JAK1: variants seen among roughly 807,000 people sequenced by gnomAD.
JAK1 encodes the protein tyrosine-protein kinase JAK1.
A neutral mutation model predicts 136.6 loss-of-function variants in JAK1; 16 were observed. That is an observed-to-expected ratio of 0.12 (90% CI 0.08 to 0.18). The LOEUF (loss-of-function observed/expected upper bound fraction) is 0.18. Among genes scored for constraint, JAK1 ranks in the 10% least tolerant of loss-of-function variants. The pLI is 1.00. For missense variants in JAK1, 859 were observed against 1,450.1 expected, an observed-to-expected ratio of 0.59 and a Z score of 6.62; for synonymous variants, 492 against 519.5, an observed-to-expected ratio of 0.95 and a Z score of 0.72.
chr1:64,969,791 G>A (rs1016938972), upstream of JAK1, among the ~76,000 whole-genome samples: 3 of 152,200 alleles, frequency 2.0e-5, no homozygotes, highest in South Asian at 2.1e-4. Context: ...GGATGCCACC[G>A]ACTAAACAGG....
chr1:65,029,670 G>A (rs1647006539), intron 2 of JAK1, among the ~76,000 whole-genome samples: 1 of 152,178 alleles, frequency 6.6e-6, no homozygotes, highest in South Asian at 2.1e-4. Flanking sequence ...AACATGGATG[G>A]AGCTGGAGGC....
Position 64,984,994 on chromosome 1 carries a change from C to A in JAK1, c.-78+59486G>T, listed in dbSNP as rs758082773. ...AAGACCACAAAGACCAAGATAGCCC[C>A]AATACAGACAAAGCTTATCCCATTA... is the stretch of plus-strand genomic sequence containing the variant. On this transcript the variant is annotated intron_variant, in intron 2 of 25. Coordinates refer to the JAK1 transcript ENST00000671954. The surrounding 1 kb of genome is among the most constrained non-coding windows in gnomAD (Gnocchi z 4.1). 68 of 872,080 alleles carry A rather than the reference C, an allele frequency of 7.8e-5. No individual in the cohort carries two copies. In the Middle Eastern group the frequency reaches 8.9e-4, roughly 11 times the overall value. The allele number at this position is 872,080 out of a possible 1,614,324, so 54.0% of individuals were successfully genotyped here.
rs560425601 is a variant in JAK1 at position 64,847,809 on chromosome 1, C to T, written c.1756-134G>A. The T allele has an allele frequency of 6.2e-5, 60 of 971,356 alleles. No homozygotes were observed. The Admixed American group carries it at 7.5e-4, about 12-fold the overall frequency. 60.2% of individuals were successfully genotyped at this position (971,356 alleles called of 1,614,324 possible). A position where few individuals can be genotyped will look rare whatever the true frequency, so the allele number is the denominator to read the frequency against. On this transcript the variant is annotated intron_variant, in intron 12 of 24. Coordinates refer to ENST00000342505, the MANE Select transcript of JAK1 (RefSeq NM_002227.4). ...GGCAAGAGGGCTCCCTGCCCCAGCT[C>T]GTGGTCCCCAGGCCTCCAGAGAAAA...
intron 2 of JAK1, among the ~76,000 whole-genome samples, chr1:65,031,023 G>A (rs1161961016): frequency 2.6e-5 from 4 of 151,894 alleles, no homozygotes; most frequent in South Asian, 2.1e-4. Flanking sequence ...GTGTGGGGGC[G>A]CACACCTGTA....
intron 1 of JAK1, among the ~76,000 whole-genome samples, chr1:64,921,436 C>A (rs1055351332): frequency 2.0e-5 from 3 of 152,054 alleles, no homozygotes; most frequent in African/African-American, 7.2e-5. Flanking sequence ...ATTTAGACAG[C>A]CCTTTGAAGT....
intron 2 of JAK1, among the ~76,000 whole-genome samples, chr1:65,010,426 T>C (rs1028951285): frequency 6.6e-6 from 1 of 152,162 alleles, no homozygotes; most frequent in Non-Finnish European, 1.5e-5. Context: ...AACTGAGGCC[T>C]CCAGCCAACA....
intron 2 of JAK1, among the ~76,000 whole-genome samples, chr1:64,997,397 A>G (rs891316828): frequency 6.6e-6 from 1 of 152,212 alleles, no homozygotes; most frequent in African/African-American, 2.4e-5. Context: ...TTTGCCAGGT[A>G]TTGTTCTAAG....
chr1:64,895,418 G>C (rs550707849), intron 1 of JAK1, among the ~76,000 whole-genome samples: 3 of 152,206 alleles, frequency 2.0e-5, no homozygotes, highest in African/African-American at 7.2e-5. Flanking sequence ...CTGTTTTAAA[G>C]GACCCAACAA....
At chr1:65,008,989 G>A (rs1291729287) in intron 2 of JAK1, among the ~76,000 whole-genome samples, 1 of 152,116 alleles carries the variant, frequency 6.6e-6, no homozygotes, top group African/African-American at 2.4e-5. Flanking sequence ...CATGGCCCTT[G>A]TAACAAGTCT....
intron 1 of JAK1, among the ~76,000 whole-genome samples, chr1:64,897,375 G>A (rs940140380): frequency 1.3e-5 from 2 of 149,736 alleles, no homozygotes; most frequent in African/African-American, 5.0e-5. Flanking sequence ...GTTGCAGTGA[G>A]CTGTGCCACT....
intron 2 of JAK1, chr1:64,992,644 C>T (rs1019608176): frequency 3.3e-5 from 5 of 152,228 alleles, no homozygotes; most frequent in African/African-American, 7.2e-5. Flanking sequence ...AATCCCAGCA[C>T]GTTGGGAGGC....
At chr1:64,854,787 C>T (rs1439378816) in intron 11 of JAK1, among the ~76,000 whole-genome samples, 1 of 152,106 alleles carries the variant, frequency 6.6e-6, no homozygotes, top group Non-Finnish European at 1.5e-5. Flanking sequence ...CTAAGCTCAG[C>T]CTCACCTGCC....
At chr1:65,023,386 A>G (rs1646952763) in intron 2 of JAK1, among the ~76,000 whole-genome samples, 1 of 152,176 alleles carries the variant, frequency 6.6e-6, no homozygotes, top group Non-Finnish European at 1.5e-5. Context: ...CTGAGCCAAC[A>G]TGCTTGGCCA....
At position 64,871,001 on chromosome 1, in the gene JAK1, T is replaced by C. The variant is rs554033236; in HGVS notation, c.484-1527A>G. ...AAAGGTCAATCTAACGCCATGCTTA[T>C]TCTTCAAGTATGGCACACTCTTCCT... On this transcript the variant is annotated intron_variant, in intron 5 of 24. Coordinates refer to ENST00000342505, the MANE Select transcript of JAK1 (RefSeq NM_002227.4). Among the ~76,000 whole-genome samples, 11 of 152,294 alleles carry C rather than the reference T, an allele frequency of 7.2e-5. No individual in the cohort carries two copies. The South Asian group carries it at 2.3e-3, about 32-fold the overall frequency.
intron 2 of JAK1, among the ~76,000 whole-genome samples, chr1:65,029,980 G>A (rs1364209426): frequency 1.3e-5 from 2 of 152,018 alleles, no homozygotes; most frequent in Non-Finnish European, 2.9e-5. Flanking sequence ...AGTCTGTTAT[G>A]GACTGTGTGT....
rs1029136904 is a variant in JAK1, at chr1:64,844,668, A to C, written c.2251+86T>G. The C allele has an allele frequency of 1.4e-5, 21 of 1,532,320 alleles. No homozygotes were observed. The highest frequency in any genetic ancestry group is 5.3e-5 in the Admixed American group (3 of 56,968). The allele number at this position is 1,532,320 out of a possible 1,614,324, so 94.9% of individuals were successfully genotyped here. ...TACAAAAAAAAAATGACTCTCTAAA[A>C]GGAGACCAACCCCAGCCCAGCCCTT... On this transcript the variant is annotated intron_variant, in intron 16 of 24. Coordinates refer to ENST00000342505, the MANE Select transcript of JAK1 (RefSeq NM_002227.4). The surrounding 1 kb of genome is among the most constrained non-coding windows in gnomAD (Gnocchi z 5.7).
chr1:64,851,047 A>G, intron 11 of JAK1, 137 bp from the exon 12 acceptor site: 1 of 658,166 alleles, frequency 1.5e-6, no homozygotes, highest in Non-Finnish European at 2.8e-6. Context: ...TGCTTATTCA[A>G]TAGGCATATG....
At chr1:64,839,864 T>C in intron 19 of JAK1, 69 bp from the exon 20 acceptor site, 1 of 1,358,534 alleles carries the variant, frequency 7.4e-7, no homozygotes, top group South Asian at 1.4e-5. Flanking sequence ...CACAGAAGTC[T>C]TGCTCCTCAC....
upstream of JAK1, among the ~76,000 whole-genome samples, chr1:64,970,156 C>A (rs1160814322): frequency 6.9e-3 from 126 of 18,160 alleles, no homozygotes; most frequent in East Asian, 8.1e-3. Flanking sequence ...AAAAAAAAAA[C>A]GGCCGGGCAC....
Sources: allele counts gnomAD v4.1 joint callset (sites outside exome capture counted in the v4.1 genomes callset), GRCh38; gene constraint gnomAD v4.1.1; non-coding constraint Gnocchi (gnomAD v3.1); transcripts MANE v1.5; gene names NCBI Gene and HGNC (gene_info 2026-07-23, HGNC 2026-07-21).